Variants in LIMS1 observed in about 807,000 individuals in gnomAD.
The protein encoded by LIMS1 is LIM and senescent cell antigen-like-containing domain protein 1.
A neutral mutation model predicts 44.1 loss-of-function variants in LIMS1; 18 were observed. The observed-to-expected ratio is 0.41, with a 90% CI of 0.28 to 0.61. The LOEUF (loss-of-function observed/expected upper bound fraction) is 0.61. LIMS1 is among the 20% of genes least tolerant of loss of function. The pLI is 0.32. For missense variants in LIMS1, 201 were observed against 422.0 expected, an observed-to-expected ratio of 0.48 and a Z score of 4.59; for synonymous variants, 93 against 149.1, an observed-to-expected ratio of 0.62 and a Z score of 2.74.
intron 1 of LIMS1, among the ~76,000 whole-genome samples, chr2:108,581,581 G>A (rs772510391): frequency 6.6e-6 from 1 of 152,098 alleles, no homozygotes; most frequent in Non-Finnish European, 1.5e-5. Context: ...CCAGAGCTTA[G>A]GGGCTTTTAG....
chr2:108,546,331 T>C (rs1684481626), intron 1 of LIMS1, among the ~76,000 whole-genome samples: 1 of 141,212 alleles, frequency 7.1e-6, no homozygotes, highest in African/African-American at 2.6e-5. Context: ...GGCTGGAGTG[T>C]GTGCAGTGGA....
intron 1 of LIMS1, among the ~76,000 whole-genome samples, chr2:108,559,134 T>G (rs1685028209): frequency 6.6e-6 from 1 of 152,206 alleles, no homozygotes; most frequent in African/African-American, 2.4e-5. Flanking sequence ...TATGGGATAA[T>G]TTATATACCC....
At chr2:108,584,227 T>C (rs950473709) in intron 1 of LIMS1, among the ~76,000 whole-genome samples, 8 of 152,232 alleles carry the variant, frequency 5.3e-5, no homozygotes, top group African/African-American at 1.9e-4. Context: ...TGCTGTGCAC[T>C]GTGTAACACT....
At chr2:108,581,671 C>G (rs1159223304) in intron 1 of LIMS1, among the ~76,000 whole-genome samples, 1 of 152,162 alleles carries the variant, frequency 6.6e-6, no homozygotes, top group African/African-American at 2.4e-5. Flanking sequence ...GGCACGGTGG[C>G]TCATGCCTGT....
intron 2 of LIMS1, among the ~76,000 whole-genome samples, chr2:108,668,590 A>G (rs749601529): frequency 1.2e-4 from 18 of 152,190 alleles, no homozygotes; most frequent in African/African-American, 3.9e-4. Context: ...TATGTACCAT[A>G]TTTTTTTAAT....
At chr2:108,559,103 C>G (rs1419006094) in intron 1 of LIMS1, among the ~76,000 whole-genome samples, 1 of 152,200 alleles carries the variant, frequency 6.6e-6, no homozygotes, top group African/African-American at 2.4e-5. Context: ...ACACTAATAT[C>G]ACTTCCACGA....
intron 1 of LIMS1, among the ~76,000 whole-genome samples, chr2:108,619,481 C>T (rs775140526): frequency 1.3e-5 from 2 of 151,660 alleles, no homozygotes; most frequent in Non-Finnish European, 2.9e-5. Flanking sequence ...GCTTGGAGTT[C>T]GAGACCAGCC....
chr2:108,660,945 C>G (rs1280871030), intron 2 of LIMS1, among the ~76,000 whole-genome samples: 3 of 140,750 alleles, frequency 2.1e-5, no homozygotes, highest in Non-Finnish European at 4.6e-5. Flanking sequence ...GATGGCTGCT[C>G]TTTGATTTCT....
At chr2:108,681,922 G>A (rs1365922) in intron 9 of LIMS1, among the ~76,000 whole-genome samples, 126,084 of 152,040 alleles carry the variant, frequency 0.83, 52,692 homozygotes, top group East Asian at 0.99. Flanking sequence ...AGCATGTTTC[G>A]TATCTAAGCA....
intron 1 of LIMS1, among the ~76,000 whole-genome samples, chr2:108,645,947 A>C (rs1256468473): frequency 6.6e-6 from 1 of 152,224 alleles, no homozygotes; most frequent in African/African-American, 2.4e-5. Context: ...AGAAGAGCTA[A>C]CTATCCTAAA....
rs755206208 is a variant in LIMS1 at position 108,659,649 on chromosome 2, A to G, written c.77A>G (p.Lys26Arg). The G allele has an allele frequency of 3.7e-6, 6 of 1,612,184 alleles. No individual in the cohort carries two copies. In the African/African-American group the frequency reaches 5.3e-5, roughly 14 times the overall value. Residue 26 changes from lysine (K) to arginine (R), a missense_variant, in exon 2 of 10, where the codon AAG becomes AGG. Physicochemically the swap from Lys to Arg is conservative, Grantham distance 26 (BLOSUM62 2). Coordinates refer to ENST00000544547, the Ensembl canonical transcript of LIMS1. ...GCCAGCGCCACTTGCGAGCGCTGCA[A>G]GGGCGGCTTTGCGCCCGCTGAGAAG...
At chr2:108,649,076 T>C (rs1573550089) in intron 1 of LIMS1, among the ~76,000 whole-genome samples, 2 of 152,104 alleles carry the variant, frequency 1.3e-5, no homozygotes, top group Admixed American at 1.3e-4. Context: ...ATTTTTGCAA[T>C]CTACTCATCT....
intron 1 of LIMS1, among the ~76,000 whole-genome samples, chr2:108,628,795 A>T: frequency 6.6e-6 from 1 of 152,164 alleles, no homozygotes; most frequent in South Asian, 2.1e-4. Context: ...GAGAAATATG[A>T]CAGTAATGAG....
At chr2:108,601,380 A>T (rs1687007361) in intron 1 of LIMS1, among the ~76,000 whole-genome samples, 1 of 152,186 alleles carries the variant, frequency 6.6e-6, no homozygotes, top group South Asian at 2.1e-4. Context: ...GTTTCGGTGC[A>T]GTCTGGGACT....
At chr2:108,633,877 A>G (rs1689069616) in intron 1 of LIMS1, among the ~76,000 whole-genome samples, 1 of 152,178 alleles carries the variant, frequency 6.6e-6, no homozygotes. Flanking sequence ...GTGTGTGTCC[A>G]TCCTTGTGCC....
At chr2:108,678,842 T>A (rs2912865) in intron 8 of LIMS1, among the ~76,000 whole-genome samples, 11 of 152,224 alleles carry the variant, frequency 7.2e-5, no homozygotes, top group Admixed American at 2.0e-4. Context: ...CATATTTCCA[T>A]GTTGGGCCAA....
At chr2:108,579,863 T>A (rs1165237666) in intron 1 of LIMS1, among the ~76,000 whole-genome samples, 1 of 151,826 alleles carries the variant, frequency 6.6e-6, no homozygotes, top group Non-Finnish European at 1.5e-5. Flanking sequence ...TGAGTCCGAG[T>A]GTGAATGGGA....
At position 108,679,862 on chromosome 2, in the gene LIMS1, C is replaced by T. The variant is rs180751906; in HGVS notation, c.824-833C>T. On this transcript the variant is annotated intron_variant, in intron 8 of 9. Coordinates refer to ENST00000544547, the Ensembl canonical transcript of LIMS1. Reference sequence around the variant, plus strand: ...CCCAGGAGTTCGAGCTGTGATCGCACCACTGCAATACAGCCTGGACAACAG... The same window carrying T: ...CCCAGGAGTTCGAGCTGTGATCGCATCACTGCAATACAGCCTGGACAACAG... 2.8e-3 allele frequency among the ~76,000 whole-genome samples: 429 copies of T among 151,804 alleles called. 2 individuals are homozygous for T. Among genetic ancestry groups the T allele is most frequent in the Non-Finnish European group, 4.4e-3 (302 of 67,916 alleles).
intron 1 of LIMS1, among the ~76,000 whole-genome samples, chr2:108,566,946 T>C (rs778702942): frequency 1.6e-4 from 24 of 152,228 alleles, no homozygotes; most frequent in South Asian, 8.3e-4. Context: ...AGTATGTTTA[T>C]ATTGTTGTGA....
Sources: gnomAD v4.1 joint callset for allele counts (sites outside exome capture counted in the v4.1 genomes callset) on GRCh38, gnomAD v4.1.1 for gene constraint, MANE v1.5 for transcripts, NCBI Gene and HGNC (gene_info 2026-07-23, HGNC 2026-07-21) for gene names.